The following NXN variants were observed in gnomAD, a reference collection of about 807,000 sequenced individuals.
NXN encodes the protein nucleoredoxin, also known as nucleoredoxin 1.
In NXN, 16 loss-of-function variants were observed where a neutral mutation model predicts 48.6. That is an observed-to-expected ratio of 0.33 (90% CI 0.22 to 0.50). The LOEUF (loss-of-function observed/expected upper bound fraction) is 0.50. Ranked by LOEUF, NXN falls within the 20% of genes least tolerant of loss-of-function variation. The pLI is 0.98. For synonymous variants in NXN, 281 were observed against 269.6 expected, an observed-to-expected ratio of 1.04 and a Z score of -0.41; for missense variants, 492 against 605.5, an observed-to-expected ratio of 0.81 and a Z score of 1.97.
chr17:892,075 AC>A (rs1252171530), intron 1 of NXN, among the ~76,000 whole-genome samples: 1 of 148,410 alleles, frequency 6.7e-6, no homozygotes, highest in Non-Finnish European at 1.5e-5. Flanking sequence ...ACCATGCACA[AC>A]CCAACAGGGA....
In NXN at chr17:833,638, G is replaced by T. The variant is rs1395372578; in HGVS notation, c.361-7560C>A. Among the ~76,000 whole-genome samples, 3 of 152,112 alleles carry T rather than the reference G, an allele frequency of 2.0e-5. No individual in the cohort carries two copies. The South Asian group carries it at 6.2e-4, about 32-fold the overall frequency. ...GAGAAAAAGGCACATACAGCAAAAA[G>T]TCAGTGTATAAATTCACAGAGTTCA... On this transcript the variant is annotated intron_variant, in intron 1 of 7. Coordinates refer to ENST00000336868, the MANE Select transcript of NXN (RefSeq NM_022463.5).
At chr17:979,292 G>A (rs771630592) in intron 1 of NXN, 27 bp downstream of exon 1, 29 of 1,461,750 alleles carry the variant, frequency 2.0e-5, no homozygotes, top group Non-Finnish European at 2.4e-5. Context: ...GGGGCGGGCA[G>A]GGGCCGGCGA....
At chr17:827,744 G>A (rs1289890687) in intron 1 of NXN, among the ~76,000 whole-genome samples, 5 of 152,258 alleles carry the variant, frequency 3.3e-5, no homozygotes, top group Admixed American at 1.3e-4. Flanking sequence ...TCCCTGCTGG[G>A]GGCTTGAGGG....
chr17:858,767 A>T (rs1453230584), intron 1 of NXN, among the ~76,000 whole-genome samples: 1 of 152,106 alleles, frequency 6.6e-6, no homozygotes, highest in Non-Finnish European at 1.5e-5. Context: ...AAAAGAAAAC[A>T]GCCCTACGGC....
chr17:941,428 T>C (rs2068974274), intron 1 of NXN, among the ~76,000 whole-genome samples: 1 of 142,566 alleles, frequency 7.0e-6, no homozygotes, highest in Non-Finnish European at 1.5e-5. Context: ...CGAACAAGAT[T>C]CCAGGGCGCA....
At chr17:906,647 A>G (rs2068584020) in intron 1 of NXN, among the ~76,000 whole-genome samples, 1 of 150,740 alleles carries the variant, frequency 6.6e-6, no homozygotes. Flanking sequence ...GCTCCCTGCA[A>G]CCTCCACCTC....
At chr17:878,994 C>CG (rs1304468445) in intron 1 of NXN, among the ~76,000 whole-genome samples, 1 of 151,910 alleles carries the variant, frequency 6.6e-6, no homozygotes, top group Non-Finnish European at 1.5e-5. Context: ...GCGAAACCCT[C>CG]TCTCTACTAA....
At chr17:943,960 G>A (rs546603712) in intron 1 of NXN, among the ~76,000 whole-genome samples, 8 of 152,004 alleles carry the variant, frequency 5.3e-5, no homozygotes, top group East Asian at 1.9e-4. Flanking sequence ...ATATTTGGCC[G>A]GGCACGGTGG....
At chr17:863,846 G>A (rs903243655) in intron 1 of NXN, 6 of 900,442 alleles carry the variant, frequency 6.7e-6, no homozygotes, top group Middle Eastern at 2.3e-4. Flanking sequence ...GTCATTCAAG[G>A]ATCAACTGTC....
intron 1 of NXN, among the ~76,000 whole-genome samples, chr17:925,226 A>G (rs2068787469): frequency 6.6e-6 from 1 of 152,128 alleles, no homozygotes; most frequent in Admixed American, 6.5e-5. Flanking sequence ...CCTCCCGGAA[A>G]GCAAACCTAG....
At chr17:952,085 G>T (rs1243745684) in intron 1 of NXN, among the ~76,000 whole-genome samples, 1 of 152,088 alleles carries the variant, frequency 6.6e-6, no homozygotes, top group Non-Finnish European at 1.5e-5. Context: ...TGGTGGTTGT[G>T]GTTTTTGTGG....
chr17:823,585 C>A (rs1186316756), intron 3 of NXN, 47 bp downstream of exon 3: 1 of 1,608,504 alleles, frequency 6.2e-7, no homozygotes, highest in Admixed American at 1.7e-5. Flanking sequence ...CTGCTGGGAA[C>A]ATCACTGCTT....
intron 1 of NXN, among the ~76,000 whole-genome samples, chr17:974,305 C>T (rs1368956034): frequency 3.3e-5 from 5 of 151,698 alleles, no homozygotes; most frequent in Non-Finnish European, 5.9e-5. Context: ...GAGCCGAGAT[C>T]GCACCACTGC....
At chr17:915,811 C>T (rs530578287) in intron 1 of NXN, among the ~76,000 whole-genome samples, 3 of 149,976 alleles carry the variant, frequency 2.0e-5, no homozygotes, top group Non-Finnish European at 4.4e-5. Context: ...CTAAAATGGG[C>T]GGCCACTTAT....
At chr17:844,585 CTTTTT>C (rs111924353) in intron 1 of NXN, among the ~76,000 whole-genome samples, 1 of 151,778 alleles carries the variant, frequency 6.6e-6, no homozygotes, top group Non-Finnish European at 1.5e-5. Flanking sequence ...TTTTTCTTTT[CTTTTT>C]TTTCTTTTTT....
intron 5 of NXN, among the ~76,000 whole-genome samples, chr17:812,566 T>A (rs901431091): frequency 2.8e-5 from 4 of 144,998 alleles, no homozygotes; most frequent in South Asian, 2.1e-4. Context: ...AGTGTGTGTG[T>A]GAGTCTGTGT....
intron 1 of NXN, among the ~76,000 whole-genome samples, chr17:925,222 G>A (rs1015618642): frequency 6.6e-5 from 10 of 152,140 alleles, no homozygotes; most frequent in South Asian, 2.1e-4. Flanking sequence ...CCCGCCTCCC[G>A]GAAAGCAAAC....
At chr17:925,423 T>C (rs2144961064) in intron 1 of NXN, among the ~76,000 whole-genome samples, 1 of 152,266 alleles carries the variant, frequency 6.6e-6, no homozygotes, top group Non-Finnish European at 1.5e-5. Context: ...AGTTTTGCTC[T>C]TATCACCCAG....
intron 1 of NXN, among the ~76,000 whole-genome samples, chr17:840,343 C>CT (rs112852369): frequency 4.1e-4 from 60 of 147,276 alleles, no homozygotes; most frequent in Admixed American, 7.4e-4. Context: ...GCAGAGACTT[C>CT]TTTTTTTTTT....
Sources: allele counts gnomAD v4.1 joint callset (sites outside exome capture counted in the v4.1 genomes callset), GRCh38; gene constraint gnomAD v4.1.1; transcripts MANE v1.5; gene names NCBI Gene and HGNC (gene_info 2026-07-23, HGNC 2026-07-21).